LGI2: variants seen among roughly 807,000 people sequenced by gnomAD.
LGI2 encodes leucine rich repeat LGI family member 2.
A neutral mutation model predicts 52.0 loss-of-function variants in LGI2; 30 were observed. That is an observed-to-expected ratio of 0.58 (90% confidence interval 0.43 to 0.78). The LOEUF is 0.78. Ranked by LOEUF, LGI2 falls within the 30% of genes least tolerant of loss-of-function variation. LGI2 has a pLI of 0.00. For synonymous variants in LGI2, 270 were observed against 271.8 expected, an observed-to-expected ratio of 0.99 and a Z score of 0.06; for missense variants, 573 against 692.5, an observed-to-expected ratio of 0.83 and a Z score of 1.94.
At chr4:25,030,100 A>ACACACACG (rs1726279885) in intron 1 of LGI2, among the ~76,000 whole-genome samples, 2 of 151,794 alleles carry the variant, frequency 1.3e-5, no homozygotes, top group Admixed American at 1.3e-4. Context: ...AAACACACAC[A>ACACACACG]CACACACGCA....
In LGI2 at chr4:25,003,634, T is replaced by C; in HGVS notation, c.1455A>G (p.Thr485=). ...TATCCCACTGGTATATCTGAGAGAA[T>C]GTATAGTCACTCCCCAGGGCCAGGT... ...NHYLALGSDY[T]FSQIYQWDKE... The change falls in exon 8 of 8, where the codon ACA becomes ACG. Residue 485 remains threonine, a synonymous_variant. Coordinates refer to ENST00000382114, the MANE Select transcript of LGI2 (RefSeq NM_018176.4). 6.2e-7 allele frequency: 1 copy of C among 1,614,200 alleles called. No individual in the cohort carries two copies. The highest frequency in any genetic ancestry group is 8.5e-7 in the Non-Finnish European group (1 of 1,180,030).
chr4:25,003,271 T>C lies in LGI2; in HGVS notation c.*180A>G, dbSNP rs1725299719. The C allele has an allele frequency of 1.9e-6, 1 of 537,520 alleles. No individual in the cohort carries two copies. 33.3% of individuals were successfully genotyped at this position (537,520 alleles called of 1,614,324 possible). A position where few individuals can be genotyped will look rare whatever the true frequency, so the allele number is the denominator to read the frequency against. On this transcript the variant is annotated 3_prime_UTR_variant, in exon 8 of 8. Transcript: ENST00000382114. ...TGGTAGAATGGGCATGTCATGCAGT[T>C]AGCCAATAAATGCAATCCCTGATTA... is the stretch of plus-strand genomic sequence containing the variant.
intron 3 of LGI2, 103 bp downstream of exon 3, chr4:25,026,765 C>A: frequency 1.2e-6 from 1 of 868,414 alleles, no homozygotes; most frequent in South Asian, 1.4e-5. Flanking sequence ...CCAGTTTCTC[C>A]ACCCCTAAAC....
At position 25,003,536 on chromosome 4, in the gene LGI2, G is replaced by A; in HGVS notation, c.1553C>T (p.Thr518Ile). The change falls in exon 8 of 8, where the codon ACC becomes ATC. Residue 518 changes from threonine to isoleucine, a missense_variant. Thr to Ile is a moderately conservative substitution (Grantham distance 89, BLOSUM62 -1). Coordinates refer to ENST00000382114, the MANE Select transcript of LGI2 (RefSeq NM_018176.4). ...TGCAAAAAAGAAATCTCTCCTGTCG[G>A]TGGAGACAGCTGTGAATGAACGAGG... ...QAPRSFTAVS[T>I]DRRDFFFASS... 1.2e-6 allele frequency: 2 copies of A among 1,613,554 alleles called. No homozygotes were observed. Among genetic ancestry groups the A allele is most frequent in the Non-Finnish European group, 1.7e-6 (2 of 1,179,902 alleles).
Position 25,006,276 on chromosome 4 carries a change from C to T in LGI2, c.821-2008G>A, listed in dbSNP as rs113053031. 8.6e-3 allele frequency among the ~76,000 whole-genome samples: 1,308 copies of T among 152,200 alleles called. 19 individuals are homozygous for T. The highest frequency in any genetic ancestry group is 0.029 in the African/African-American group (1,211 of 41,528). ...CCCTGCACCCAGATGCCCCCCAGAC[C>T]TCCCCATTCCAGAAGACCAACCACT... On this transcript the variant is annotated intron_variant, in intron 7 of 7. Transcript: ENST00000382114.
In LGI2 at chr4:25,001,854, A is replaced by G. The variant is rs1056312365; in HGVS notation, c.*1597T>C. ...AACACATTCATATTTGTGGCAAAAC[A>G]TCTACCTACTCATGACATGGCAAAT... On this transcript the variant is annotated 3_prime_UTR_variant, in exon 8 of 8. Coordinates refer to ENST00000382114, the MANE Select transcript of LGI2 (RefSeq NM_018176.4). 1 of 152,178 alleles carries G rather than the reference A, an allele frequency of 6.6e-6. No individual in the cohort carries two copies. Among genetic ancestry groups the G allele is most frequent in the African/African-American group, 2.4e-5 (1 of 41,446 alleles). The allele number at this position is 152,178 out of a possible 1,614,324, so 9.4% of individuals were successfully genotyped here.
At chr4:25,017,702 A>C (rs572280191) in intron 6 of LGI2, among the ~76,000 whole-genome samples, 1 of 152,300 alleles carries the variant, frequency 6.6e-6, no homozygotes, top group African/African-American at 2.4e-5. Context: ...TTCTCCTGCC[A>C]AACCCACAAG....
rs964871375 is a variant in LGI2 at position 25,004,810 on chromosome 4, G to T, written c.821-542C>A. Among the ~76,000 whole-genome samples the T allele has an allele frequency of 1.3e-5, 2 of 152,166 alleles. No individual in the cohort carries two copies. Among genetic ancestry groups the T allele is most frequent in the African/African-American group, 4.8e-5 (2 of 41,434 alleles). On this transcript the variant is annotated intron_variant, in intron 7 of 7. Transcript: ENST00000382114. This position sits in a 1 kb window ranked among gnomAD's most constrained non-coding sequence, Gnocchi z 4.6. ...TTGCTTATAAGCCACTCAGTCTACG[G>T]TATTCTGTTGCAGCAGCCCAAACAG... is the stretch of plus-strand genomic sequence containing the variant.
intron 7 of LGI2, among the ~76,000 whole-genome samples, chr4:25,005,659 G>A (rs577472112): frequency 6.6e-6 from 1 of 151,996 alleles, no homozygotes; most frequent in South Asian, 2.1e-4. Flanking sequence ...GGGTTGCGGG[G>A]GGTAAGGGAT....
chr4:25,004,084 G>T lies in LGI2; in HGVS notation c.1005C>A (p.Asp335Glu). ...CTGCGATGACAAAGAACGTCTCGTCGTCGATCTGAAACAGCTCGATGTCAT... is the reference window on the plus strand; with the variant it reads ...CTGCGATGACAAAGAACGTCTCGTCTTCGATCTGAAACAGCTCGATGTCAT... ...KPNDIELFQI[D>E]DETFFVIADS... is the part of the protein sequence containing the mutation. Residue 335 changes from aspartate (D) to glutamate (E), a missense_variant, in exon 8 of 8, where the codon GAC becomes GAA. Physicochemically the swap from Asp to Glu is conservative, Grantham distance 45 (BLOSUM62 2). Coordinates refer to ENST00000382114, the MANE Select transcript of LGI2 (RefSeq NM_018176.4). The surrounding 1 kb of genome is among the most constrained non-coding windows in gnomAD (Gnocchi z 4.6). The T allele has an allele frequency of 2.5e-6, 4 of 1,614,118 alleles. No individual in the cohort carries two copies. Among genetic ancestry groups the T allele is most frequent in the Non-Finnish European group, 3.4e-6 (4 of 1,180,014 alleles).
chr4:25,029,961 G>A (rs761982974), intron 1 of LGI2, among the ~76,000 whole-genome samples: 1 of 152,192 alleles, frequency 6.6e-6, no homozygotes, highest in Non-Finnish European at 1.5e-5. Flanking sequence ...GTCGGGAGGA[G>A]GCCACGGGGT....
At chr4:24,995,284 T>C (rs1422071018), downstream of LGI2, among the ~76,000 whole-genome samples, 1 of 152,190 alleles carries the variant, frequency 6.6e-6, no homozygotes, top group Non-Finnish European at 1.5e-5. Flanking sequence ...TATAAGCCAA[T>C]AAAAATGGTG....
intron 4 of LGI2, among the ~76,000 whole-genome samples, chr4:25,020,795 G>A (rs1324921101): frequency 6.6e-6 from 1 of 152,094 alleles, no homozygotes; most frequent in Non-Finnish European, 1.5e-5. Flanking sequence ...TCCTATCTAG[G>A]TGACCACAAA....
Position 25,003,184 on chromosome 4 carries a change from T to A in LGI2, c.*267A>T. On this transcript the variant is annotated 3_prime_UTR_variant, in exon 8 of 8. Coordinates refer to ENST00000382114, the MANE Select transcript of LGI2 (RefSeq NM_018176.4). ...GGGGGAAGCATATTACATTTCTAGA[T>A]GATAAGAGTAAATGCTGTACTCTTT... 1 of 316,460 alleles carries A rather than the reference T, an allele frequency of 3.2e-6. No individual in the cohort carries two copies. Among genetic ancestry groups the A allele is most frequent in the East Asian group, 5.6e-5 (1 of 17,836 alleles). 19.6% of individuals were successfully genotyped at this position (316,460 alleles called of 1,614,324 possible). A position where few individuals can be genotyped will look rare whatever the true frequency, so the allele number is the denominator to read the frequency against.
chr4:25,014,663 T>C (rs779082383), intron 6 of LGI2, among the ~76,000 whole-genome samples: 1 of 151,958 alleles, frequency 6.6e-6, no homozygotes, highest in Non-Finnish European at 1.5e-5. Flanking sequence ...ACCTTCTCTT[T>C]ACTAAAAATT....
rs529892771 is a variant in LGI2 at position 25,004,174 on chromosome 4, G to A, written c.915C>T (p.Tyr305=). The change falls in exon 8 of 8, where the codon TAC becomes TAT. Residue 305 remains tyrosine (Y), a synonymous_variant. Transcript: ENST00000382114. The surrounding 1 kb of genome is among the most constrained non-coding windows in gnomAD (Gnocchi z 4.6). ...QLFGGSHIYK[Y]DESWTKFVKF... ...TGACAAATTTGGTCCAACTCTCGTCGTATTTGTAAATGTGAGAGCCACCGA... is the reference window on the plus strand; with the variant it reads ...TGACAAATTTGGTCCAACTCTCGTCATATTTGTAAATGTGAGAGCCACCGA... The A allele has an allele frequency of 1.2e-5, 20 of 1,614,168 alleles. No individual in the cohort carries two copies. Among genetic ancestry groups the A allele is most frequent in the East Asian group, 8.9e-5 (4 of 44,884 alleles).
At chr4:25,017,419 G>A (rs1052649581) in intron 6 of LGI2, among the ~76,000 whole-genome samples, 1 of 151,842 alleles carries the variant, frequency 6.6e-6, no homozygotes, top group African/African-American at 2.4e-5. Context: ...GTGCACACCT[G>A]TAATGTCAGC....
At chr4:25,020,292 C>G (rs938766483) in intron 4 of LGI2, among the ~76,000 whole-genome samples, 2 of 152,198 alleles carry the variant, frequency 1.3e-5, no homozygotes, top group African/African-American at 4.8e-5. Context: ...ACGTCTTAGT[C>G]CACACCCCAC....
chr4:24,996,310 CTT>C (rs1725077073), downstream of LGI2, among the ~76,000 whole-genome samples: 1 of 152,118 alleles, frequency 6.6e-6, no homozygotes, highest in Non-Finnish European at 1.5e-5. Flanking sequence ...TTTCTTAAGA[CTT>C]TTGTATACAG....
Sources: gnomAD v4.1 joint callset for allele counts (sites outside exome capture counted in the v4.1 genomes callset) on GRCh38, gnomAD v4.1.1 for gene constraint, Gnocchi (gnomAD v3.1) non-coding constraint, MANE v1.5 for transcripts, NCBI Gene and HGNC (gene_info 2026-07-23, HGNC 2026-07-21) for gene names.